The following MYO5A variants were observed in gnomAD, a reference collection of about 807,000 sequenced individuals.
The protein encoded by MYO5A is myosin VA.
A neutral mutation model predicts 249.7 loss-of-function variants in MYO5A; 98 were observed. That is an observed-to-expected ratio of 0.39 (90% CI 0.33 to 0.46). MYO5A has a LOEUF of 0.46. MYO5A is among the 20% of genes least tolerant of loss of function. The pLI is 0.98. For synonymous variants in MYO5A, 778 were observed against 810.6 expected (o/e 0.96, Z 0.68); for missense variants, 1,696 against 2,308.8 (o/e 0.73, Z 5.44).
At chr15:52,378,045 A>G (rs1162530745) in intron 18 of MYO5A, among the ~76,000 whole-genome samples, 1 of 152,176 alleles carries the variant, frequency 6.6e-6, no homozygotes, top group Non-Finnish European at 1.5e-5. Context: ...TAGCTAGAAA[A>G]GTGGTCCTTA....
intron 1 of MYO5A, among the ~76,000 whole-genome samples, chr15:52,527,143 G>C (rs542395842): frequency 6.6e-6 from 1 of 152,232 alleles, no homozygotes; most frequent in Non-Finnish European, 1.5e-5. Flanking sequence ...GGACAAACTT[G>C]ATGTAGAAGT....
At chr15:52,510,086 T>A (rs2077358587) in intron 1 of MYO5A, among the ~76,000 whole-genome samples, 1 of 143,208 alleles carries the variant, frequency 7.0e-6, no homozygotes, top group African/African-American at 2.6e-5. Flanking sequence ...ACTTAAGGAA[T>A]TAAGCGGACT....
chr15:52,490,688 T>C (rs984124809), intron 1 of MYO5A, among the ~76,000 whole-genome samples: 1 of 151,918 alleles, frequency 6.6e-6, no homozygotes, highest in Admixed American at 6.6e-5. Flanking sequence ...AGATGAAGAG[T>C]TTTAGAGATT....
At chr15:52,440,045 A>G (rs779726607) in intron 1 of MYO5A, among the ~76,000 whole-genome samples, 1 of 152,280 alleles carries the variant, frequency 6.6e-6, no homozygotes, top group Non-Finnish European at 1.5e-5. Flanking sequence ...CTGTCCTTCC[A>G]CAATACAATT....
At chr15:52,352,644 G>A (rs557660714) in intron 27 of MYO5A, among the ~76,000 whole-genome samples, 5 of 152,142 alleles carry the variant, frequency 3.3e-5, no homozygotes, top group South Asian at 4.2e-4. Context: ...TCAGCCGGGC[G>A]TGGTGGCGGG....
intron 30 of MYO5A, among the ~76,000 whole-genome samples, chr15:52,344,903 G>A (rs976168976): frequency 2.6e-5 from 4 of 152,186 alleles, no homozygotes; most frequent in African/African-American, 9.6e-5. Context: ...TAAGTGGATG[G>A]AAGAACATTG....
chr15:52,348,791 A>AC, intron 29 of MYO5A, 27 bp downstream of exon 29: 2 of 1,173,738 alleles, frequency 1.7e-6, no homozygotes, highest in Non-Finnish European at 2.4e-6. Flanking sequence ...AGAAGTATTT[A>AC]CTAAAAAAAA....
chr15:52,474,524 A>T (rs1190548740), intron 1 of MYO5A, among the ~76,000 whole-genome samples: 37 of 152,176 alleles, frequency 2.4e-4, no homozygotes, highest in African/African-American at 3.4e-4. Flanking sequence ...TGGCTGTGGG[A>T]CTGTCATAAA....
intron 5 of MYO5A, among the ~76,000 whole-genome samples, chr15:52,411,643 G>T (rs534213519): frequency 2.4e-4 from 36 of 152,134 alleles, no homozygotes; most frequent in Non-Finnish European, 3.8e-4. Flanking sequence ...CTTGTGTAAA[G>T]CCTATGTCAG....
At chr15:52,514,460 C>T (rs918597455) in intron 1 of MYO5A, among the ~76,000 whole-genome samples, 3 of 150,228 alleles carry the variant, frequency 2.0e-5, no homozygotes, top group African/African-American at 5.1e-5. Context: ...ATCTTAGCCA[C>T]ACTGGGGTCC....
intron 27 of MYO5A, among the ~76,000 whole-genome samples, chr15:52,351,962 T>C (rs2039976109): frequency 6.6e-6 from 1 of 152,268 alleles, no homozygotes; most frequent in Admixed American, 6.5e-5. Flanking sequence ...TATTGAAATG[T>C]TAGGCTTTTA....
intron 12 of MYO5A, among the ~76,000 whole-genome samples, chr15:52,390,969 A>T (rs867596992): frequency 5.3e-5 from 8 of 152,076 alleles, no homozygotes; most frequent in Admixed American, 1.3e-4. Flanking sequence ...TATGGCTACT[A>T]GGTTGTTACT....
At chr15:52,354,938 G>C (rs1417067810) in intron 25 of MYO5A, among the ~76,000 whole-genome samples, 1 of 151,802 alleles carries the variant, frequency 6.6e-6, no homozygotes, top group Admixed American at 6.6e-5. Flanking sequence ...CAAACTGTAG[G>C]ACAGAAAATA....
At chr15:52,432,055 A>C (rs2075552323) in intron 2 of MYO5A, among the ~76,000 whole-genome samples, 1 of 152,236 alleles carries the variant, frequency 6.6e-6, no homozygotes, top group Admixed American at 6.5e-5. Flanking sequence ...TAATTGATAA[A>C]ATAAATAATG....
intron 9 of MYO5A, among the ~76,000 whole-genome samples, chr15:52,402,798 T>C (rs1316275093): frequency 6.6e-6 from 1 of 152,018 alleles, no homozygotes; most frequent in Non-Finnish European, 1.5e-5. Context: ...TGAGCCAAGA[T>C]CGCATCACTG....
chr15:52,444,586 G>A (rs1054965066), intron 1 of MYO5A, among the ~76,000 whole-genome samples: 3 of 151,602 alleles, frequency 2.0e-5, no homozygotes, highest in Admixed American at 2.0e-4. Flanking sequence ...AAATGATTAG[G>A]TTGTATAAGG....
intron 4 of MYO5A, 112 bp from the exon 5 acceptor site, chr15:52,416,413 T>C: frequency 8.8e-7 from 1 of 1,141,538 alleles, no homozygotes; most frequent in Non-Finnish European, 1.3e-6. Context: ...GATTTTTTGG[T>C]CGATACTGGT....
At chr15:52,362,623 C>T (rs2040589253) in intron 24 of MYO5A, among the ~76,000 whole-genome samples, 1 of 152,094 alleles carries the variant, frequency 6.6e-6, no homozygotes, top group African/African-American at 2.4e-5. Context: ...ATTTTGTCTC[C>T]CAAGAGGAAT....
intron 1 of MYO5A, chr15:52,437,901 C>T (rs2075701171): frequency 3.2e-6 from 1 of 311,320 alleles, no homozygotes; most frequent in Non-Finnish European, 4.7e-6. Context: ...ATAAGGCCCT[C>T]ATATTCACCA....
Sources: allele counts gnomAD v4.1 joint callset (sites outside exome capture counted in the v4.1 genomes callset), GRCh38; gene constraint gnomAD v4.1.1; transcripts MANE v1.5; gene names NCBI Gene and HGNC (gene_info 2026-07-23, HGNC 2026-07-21).